The following C6orf89 variants were observed in gnomAD, a reference collection of about 807,000 sequenced individuals.
C6orf89 encodes the protein bombesin receptor-activated protein C6orf89.
In C6orf89, 29 loss-of-function variants were observed where a neutral mutation model predicts 40.7. The ratio of observed to expected loss-of-function variants is 0.71; its 90% CI spans 0.53 to 0.97. C6orf89 has a LOEUF of 0.97. C6orf89 is among the 50% of genes least tolerant of loss of function. The pLI is 0.00. For missense variants in C6orf89, 392 were observed against 429.1 expected (o/e 0.91, Z 0.76); for synonymous variants, 165 against 152.2 (o/e 1.08, Z -0.62).
At chr6:36,892,523 A>C (rs1732721564) in intron 1 of C6orf89, among the ~76,000 whole-genome samples, 3 of 152,086 alleles carry the variant, frequency 2.0e-5, no homozygotes, top group Non-Finnish European at 4.4e-5. Flanking sequence ...CAGTTTTGAT[A>C]ATCAAAAATG....
intron 1 of C6orf89, 111 bp from the exon 2 acceptor site, chr6:36,894,393 C>A (rs1205598040): frequency 4.0e-6 from 1 of 248,370 alleles, no homozygotes; most frequent in East Asian, 1.8e-4. Flanking sequence ...TACTTGCTTT[C>A]ATAGAATGTC....
chr6:36,895,199 T>C (rs1403466184), intron 2 of C6orf89, among the ~76,000 whole-genome samples: 1 of 152,140 alleles, frequency 6.6e-6, no homozygotes, highest in African/African-American at 2.4e-5. Flanking sequence ...GATTACAAAA[T>C]TGATACAGGA....
At chr6:36,906,826 T>C (rs1761945593) in intron 4 of C6orf89, among the ~76,000 whole-genome samples, 1 of 152,242 alleles carries the variant, frequency 6.6e-6, no homozygotes, top group Non-Finnish European at 1.5e-5. Context: ...GATTAAATAT[T>C]GAGCACACAC....
At chr6:36,881,547 G>A (rs1292179128), upstream of C6orf89, among the ~76,000 whole-genome samples, 2 of 152,140 alleles carry the variant, frequency 1.3e-5, no homozygotes, top group Non-Finnish European at 2.9e-5. Context: ...GGTGTTGCAC[G>A]CCTGTAATCC....
upstream of C6orf89, among the ~76,000 whole-genome samples, chr6:36,885,471 C>T (rs565744078): frequency 6.6e-6 from 1 of 152,162 alleles, no homozygotes; most frequent in Non-Finnish European, 1.5e-5. Context: ...ATACTTAATT[C>T]GGCTTAAGTT....
At chr6:36,923,201 G>A (rs1762571571) in intron 8 of C6orf89, 146 bp from the exon 9 acceptor site, 2 of 601,652 alleles carry the variant, frequency 3.3e-6, no homozygotes, top group Non-Finnish European at 2.9e-6. Flanking sequence ...AGAAAAAAAA[G>A]GAAACTAAAT....
chr6:36,925,841 A>G lies in C6orf89; in HGVS notation c.*2400A>G, dbSNP rs1340233884. Reference sequence around the variant, plus strand: ...CCCTCTGTATGACCCGGTGTGGGAAAGAGGGTTGTCAGGATGAGAAAGTGG... The same window carrying G: ...CCCTCTGTATGACCCGGTGTGGGAAGGAGGGTTGTCAGGATGAGAAAGTGG... On this transcript the variant is annotated 3_prime_UTR_variant, in exon 9 of 9. Transcript: ENST00000480824. 6.6e-6 allele frequency: 1 copy of G among 152,228 alleles called. No homozygotes were observed. The highest frequency in any genetic ancestry group is 2.4e-5 in the African/African-American group (1 of 41,442). 9.4% of individuals were successfully genotyped at this position (152,228 alleles called of 1,614,324 possible).
At chr6:36,900,809 G>T (rs919232183) in intron 3 of C6orf89, among the ~76,000 whole-genome samples, 6 of 150,386 alleles carry the variant, frequency 4.0e-5, no homozygotes, top group Non-Finnish European at 7.4e-5. Flanking sequence ...AAGTGCTGGG[G>T]TTACAGGTGT....
At chr6:36,877,565 G>A (rs768006786) in intron 1 of C6orf89, among the ~76,000 whole-genome samples, 1 of 152,198 alleles carries the variant, frequency 6.6e-6, no homozygotes, top group Non-Finnish European at 1.5e-5. Context: ...TCTTGACCTT[G>A]TGATCTGCCC....
intron 2 of C6orf89, among the ~76,000 whole-genome samples, chr6:36,880,123 C>T (rs562824373): frequency 6.6e-6 from 1 of 152,314 alleles, no homozygotes; most frequent in South Asian, 2.1e-4. Flanking sequence ...TAGGAAGTTA[C>T]CTTTGGTAAA....
upstream of C6orf89, among the ~76,000 whole-genome samples, chr6:36,885,221 C>T (rs1774930714): frequency 6.6e-6 from 1 of 152,194 alleles, no homozygotes; most frequent in Admixed American, 6.5e-5. Context: ...CCAATCCCAG[C>T]GGCCATACTT....
chr6:36,874,824 A>G (rs1048783415), intron 1 of C6orf89: 18 of 1,595,176 alleles, frequency 1.1e-5, no homozygotes, highest in Non-Finnish European at 1.5e-5. Context: ...TCCGGCGTCG[A>G]TTAGCTGGGG....
upstream of C6orf89, among the ~76,000 whole-genome samples, chr6:36,884,923 C>T (rs6918608): frequency 8.9e-3 from 1,350 of 152,308 alleles, 20 homozygotes; most frequent in African/African-American, 0.03. This position sits in a 1 kb window ranked among gnomAD's most constrained non-coding sequence, Gnocchi z 4.0. Flanking sequence ...CCCTTATTCT[C>T]TTCCTGCAAA....
At position 36,899,493 on chromosome 6, in the gene C6orf89, A is replaced by G. The variant is rs11542162; in HGVS notation, c.49A>G (p.Thr17Ala). The change falls in exon 3 of 9, where the codon ACT (threonine) becomes GCT (alanine). Residue 17 changes from threonine to alanine, a missense_variant. By Grantham distance (58) the Thr-to-Ala change is moderately conservative (BLOSUM62 0). Coordinates refer to ENST00000480824, the MANE Select transcript of C6orf89 (RefSeq NM_001286635.2). ...EISIYDKLSE[T>A]VDLVRQTGHQ... The stretch of plus-strand genomic sequence containing the variant: ...CAGCATTTATGACAAACTTTCAGAG[A>G]CTGTTGATTTGGTGAGACAGACCGG... The G allele has an allele frequency of 1.2e-6, 2 of 1,613,966 alleles. No individual in the cohort carries two copies. Among genetic ancestry groups the G allele is most frequent in the African/African-American group, 1.3e-5 (1 of 74,888 alleles).
At chr6:36,917,371 C>T (rs991313541) in intron 7 of C6orf89, among the ~76,000 whole-genome samples, 26 of 152,174 alleles carry the variant, frequency 1.7e-4, no homozygotes, top group African/African-American at 6.3e-4. Flanking sequence ...GCCAAAGTTA[C>T]CTCTCTGGGG....
chr6:36,900,035 G>A lies in C6orf89; in HGVS notation c.189+402G>A, dbSNP rs143464503. On this transcript the variant is annotated intron_variant, in intron 3 of 8. Coordinates refer to ENST00000480824, the MANE Select transcript of C6orf89 (RefSeq NM_001286635.2). The stretch of plus-strand genomic sequence containing the variant: ...CCCAGGTAGCTGGGATTACAGGCGT[G>A]CGCCACCACACCCAGCTAATTTTGT... 6.8e-4 allele frequency among the ~76,000 whole-genome samples: 103 copies of A among 151,980 alleles called. 3 individuals are homozygous for A. In the East Asian group the frequency reaches 0.018, roughly 26 times the overall value.
chr6:36,898,283 C>CTT (rs1199985589), intron 2 of C6orf89, among the ~76,000 whole-genome samples: 1 of 93,868 alleles, frequency 1.1e-5, no homozygotes. Context: ...CTTTTCTTTT[C>CTT]TTTTTTTTTT....
chr6:36,917,318 G>T (rs1396391943), intron 7 of C6orf89, among the ~76,000 whole-genome samples: 1 of 152,166 alleles, frequency 6.6e-6, no homozygotes, highest in African/African-American at 2.4e-5. Flanking sequence ...AGCCCACTCT[G>T]CCCCCATCAT....
At chr6:36,908,163 GTTCTTTCTTT>G (rs1443876033) in intron 4 of C6orf89, among the ~76,000 whole-genome samples, 2 of 152,198 alleles carry the variant, frequency 1.3e-5, no homozygotes, top group East Asian at 3.8e-4. Flanking sequence ...ATCAAAAGTA[GTTCTTTCTTT>G]TAAAGTTTGG....
Sources: gnomAD v4.1 joint callset for allele counts (sites outside exome capture counted in the v4.1 genomes callset) on GRCh38, gnomAD v4.1.1 for gene constraint, Gnocchi (gnomAD v3.1) non-coding constraint, MANE v1.5 for transcripts, NCBI Gene and HGNC (gene_info 2026-07-23, HGNC 2026-07-21) for gene names.